The following GLMN variants were observed in gnomAD, a reference collection of about 807,000 sequenced individuals.
GLMN encodes the protein glomulin.
Under a neutral mutation model 87.8 loss-of-function variants are expected in GLMN, and 75 were observed. The observed-to-expected ratio is 0.85, with a 90% CI of 0.71 to 1.04. GLMN has a LOEUF of 1.04. GLMN is among the 50% of genes least tolerant of loss of function. The probability of loss-of-function intolerance (pLI) is 0.00; values close to 1 mark genes in which losing one functional copy is unlikely to be tolerated. For synonymous variants in GLMN, 206 were observed against 221.6 expected (o/e 0.93, Z 0.63); for missense variants, 588 against 658.8 (o/e 0.89, Z 1.18).
At chr1:92,292,766 G>A (rs1329043338) in intron 3 of GLMN, among the ~76,000 whole-genome samples, 1 of 139,900 alleles carries the variant, frequency 7.1e-6, no homozygotes, top group African/African-American at 2.7e-5. Context: ...GGTGGCTCAT[G>A]CCTGTAATCC....
the GLMN span, among the ~76,000 whole-genome samples, chr1:92,361,495 C>T: frequency 6.6e-6 from 1 of 151,898 alleles, no homozygotes; most frequent in Non-Finnish European, 1.5e-5. Context: ...TTGCATTGCA[C>T]GTGAAAAAAC....
chr1:92,247,182 T>C (rs1652801289), intron 17 of GLMN, 38 bp from the exon 18 acceptor site: 8 of 958,284 alleles, frequency 8.3e-6, no homozygotes, highest in East Asian at 2.4e-5. Flanking sequence ...CACTTAACTC[T>C]CAGATTTCAA....
At chr1:92,296,652 G>T (rs563348807) in intron 3 of GLMN, among the ~76,000 whole-genome samples, 1 of 152,302 alleles carries the variant, frequency 6.6e-6, no homozygotes, top group South Asian at 2.1e-4. Context: ...AGTATCCAAA[G>T]ACACAAAATT....
At chr1:92,299,657 T>A (rs1291054329), upstream of GLMN, among the ~76,000 whole-genome samples, 1 of 152,126 alleles carries the variant, frequency 6.6e-6, no homozygotes. Context: ...AGAAGAAAAT[T>A]CAATCCCCAA....
At chr1:92,270,979 T>C (rs1656179238) in intron 8 of GLMN, among the ~76,000 whole-genome samples, 1 of 152,184 alleles carries the variant, frequency 6.6e-6, no homozygotes, top group South Asian at 2.1e-4. Context: ...TCTCAGAAGT[T>C]ATGCAAAGGC....
the GLMN span, chr1:92,345,803 T>C: frequency 8.2e-7 from 1 of 1,212,316 alleles, no homozygotes; most frequent in East Asian, 2.3e-5. Context: ...AGAAAGTTTA[T>C]TTAAAGGTAA....
At chr1:92,306,995 C>T in the GLMN span, among the ~76,000 whole-genome samples, 4 of 151,882 alleles carry the variant, frequency 2.6e-5, no homozygotes, top group East Asian at 7.7e-4. Flanking sequence ...CTGGGGAATG[C>T]GGAGGGTGAT....
the GLMN span, among the ~76,000 whole-genome samples, chr1:92,319,418 G>A: frequency 1.5e-4 from 23 of 152,102 alleles, no homozygotes; most frequent in African/African-American, 5.3e-4. Flanking sequence ...CTACATCGTT[G>A]TTATGAGGAT....
chr1:92,318,962 G>A, the GLMN span, among the ~76,000 whole-genome samples: 1 of 152,164 alleles, frequency 6.6e-6, no homozygotes, highest in African/African-American at 2.4e-5. Context: ...ACGATGAAAT[G>A]AGTAGGGGCT....
the GLMN span, among the ~76,000 whole-genome samples, chr1:92,357,972 G>C: frequency 6.6e-6 from 1 of 152,180 alleles, no homozygotes; most frequent in Admixed American, 6.5e-5. Flanking sequence ...TGTTGCCTAG[G>C]CTGCGGTGCA....
At chr1:92,353,138 CAG>C in the GLMN span, among the ~76,000 whole-genome samples, 1 of 152,126 alleles carries the variant, frequency 6.6e-6, no homozygotes, top group African/African-American at 2.4e-5. Flanking sequence ...TAATGGATAA[CAG>C]TGCTATAAAC....
intron 1 of GLMN, among the ~76,000 whole-genome samples, chr1:92,298,680 C>A (rs1650473060): frequency 6.6e-6 from 1 of 152,158 alleles, no homozygotes; most frequent in South Asian, 2.1e-4. Flanking sequence ...CAAGGCTCGG[C>A]CCCAAGCCCT....
chr1:92,252,910 T>C (rs1426893726), intron 16 of GLMN, among the ~76,000 whole-genome samples: 1 of 152,206 alleles, frequency 6.6e-6, no homozygotes, highest in Admixed American at 6.5e-5. Flanking sequence ...CAAAATTCAC[T>C]GTAGCATATC....
rs566209192 is a variant in GLMN at position 92,280,373 on chromosome 1, G to C, written c.735+6117C>G. On this transcript the variant is annotated intron_variant, in intron 7 of 18. Transcript: ENST00000370360. ...CAAACTCCAACATACCTGCAGCTGA[G>C]AGGTCTGTTAGAAGGAAAACTAACA... 1.6e-3 allele frequency among the ~76,000 whole-genome samples: 246 copies of C among 152,264 alleles called. 1 individual carries two copies. The highest frequency in any genetic ancestry group is 5.3e-3 in the African/African-American group (222 of 41,542).
At chr1:92,298,206 T>C (rs1261925338) in intron 1 of GLMN, among the ~76,000 whole-genome samples, 177 bp from the exon 2 acceptor site, 3 of 152,198 alleles carry the variant, frequency 2.0e-5, no homozygotes, top group Non-Finnish European at 4.4e-5. Flanking sequence ...AAAGTTGAAA[T>C]GTTATTACTG....
At chr1:92,260,213 T>A (rs1391211198) in intron 16 of GLMN, among the ~76,000 whole-genome samples, 10 of 152,322 alleles carry the variant, frequency 6.6e-5, no homozygotes, top group African/African-American at 1.9e-4. Context: ...GGCTGCCAGC[T>A]TGGACTGGGT....
intron 7 of GLMN, among the ~76,000 whole-genome samples, chr1:92,284,152 C>T (rs568678961): frequency 3.3e-5 from 5 of 152,182 alleles, no homozygotes; most frequent in African/African-American, 9.6e-5. Flanking sequence ...AAAAAGAGCC[C>T]GTATAGCCAA....
At chr1:92,293,469 C>T (rs1290591915) in intron 3 of GLMN, among the ~76,000 whole-genome samples, 1 of 151,958 alleles carries the variant, frequency 6.6e-6, no homozygotes, top group Non-Finnish European at 1.5e-5. Context: ...CCACTCCCGG[C>T]TAATTTTTTG....
At chr1:92,356,574 A>T in the GLMN span, among the ~76,000 whole-genome samples, 1 of 130,020 alleles carries the variant, frequency 7.7e-6, no homozygotes, top group Non-Finnish European at 1.6e-5. Context: ...GTGTGTCACC[A>T]CTCCTGGCTA....
Sources: gnomAD v4.1 joint callset for allele counts (sites outside exome capture counted in the v4.1 genomes callset) on GRCh38, gnomAD v4.1.1 for gene constraint, MANE v1.5 for transcripts, NCBI Gene and HGNC (gene_info 2026-07-23, HGNC 2026-07-21) for gene names.